The following JARID2 variants were observed in gnomAD, a reference collection of about 807,000 sequenced individuals.
The protein encoded by JARID2 is protein Jumonji.
JARID2 carries 21 observed loss-of-function variants against 125.6 expected under a neutral mutation model. The ratio of observed to expected loss-of-function variants is 0.17; its 90% CI spans 0.12 to 0.24. JARID2 has a LOEUF of 0.24. Ranked by LOEUF, JARID2 falls within the 10% of genes least tolerant of loss-of-function variation. The pLI, the probability that JARID2 is intolerant of heterozygous loss-of-function variation, is 1.00. For missense variants in JARID2, 1,303 were observed against 1,639.6 expected (o/e 0.79, Z 3.55); for synonymous variants, 736 against 661.6 (o/e 1.11, Z -1.73).
intron 1 of JARID2, among the ~76,000 whole-genome samples, chr6:15,366,206 G>C (rs868742811): frequency 6.6e-5 from 10 of 152,128 alleles, no homozygotes; most frequent in Non-Finnish European, 4.4e-5. Flanking sequence ...AGGTATATGA[G>C]AAACACGTTC....
chr6:15,411,170 G>A (rs893297440), intron 3 of JARID2, among the ~76,000 whole-genome samples: 66 of 135,616 alleles, frequency 4.9e-4, no homozygotes, highest in African/African-American at 1.7e-3. Context: ...GTTCGTTTCC[G>A]GGATTGAAGG....
At chr6:15,292,469 C>T (rs2127397698) in intron 1 of JARID2, among the ~76,000 whole-genome samples, 1 of 152,138 alleles carries the variant, frequency 6.6e-6, no homozygotes, top group East Asian at 1.9e-4. Flanking sequence ...GATGGATTAT[C>T]AAATATGGAA....
intron 6 of JARID2, among the ~76,000 whole-genome samples, chr6:15,493,387 C>T (rs150500246): frequency 4.8e-4 from 73 of 152,312 alleles, no homozygotes; most frequent in Non-Finnish European, 8.8e-4. Context: ...AACTAAACCT[C>T]AGCAAGTAGT....
intron 1 of JARID2, among the ~76,000 whole-genome samples, chr6:15,330,040 G>A (rs1041483736): frequency 6.6e-6 from 1 of 152,204 alleles, no homozygotes; most frequent in African/African-American, 2.4e-5. Context: ...GAGTTGTGAT[G>A]TTCTCTGGTC....
At chr6:15,388,571 T>A (rs1213683242) in intron 2 of JARID2, among the ~76,000 whole-genome samples, 3 of 135,218 alleles carry the variant, frequency 2.2e-5, no homozygotes, top group Non-Finnish European at 4.7e-5. Flanking sequence ...CATGAGCTAT[T>A]TTATAATATA....
At chr6:15,346,099 G>C (rs752005469) in intron 1 of JARID2, among the ~76,000 whole-genome samples, 72 of 152,212 alleles carry the variant, frequency 4.7e-4, no homozygotes, top group Non-Finnish European at 8.7e-4. Flanking sequence ...TGGACGCTTA[G>C]AGGTTCAGGG....
rs138491955 is a variant in JARID2, at chr6:15,353,499, G to A, written c.46-20618G>A. Among the ~76,000 whole-genome samples, 74 of 152,280 alleles carry A rather than the reference G, an allele frequency of 4.9e-4. 1 individual carries two copies. The East Asian group carries it at 6.4e-3, about 13-fold the overall frequency. ...ATTTAGGAAAAAATATCATTATCGA[G>A]GAAGGTCTCTTTCTGAACAACAACA... On this transcript the variant is annotated intron_variant, in intron 1 of 17. Coordinates refer to ENST00000341776, the MANE Select transcript of JARID2 (RefSeq NM_004973.4).
At chr6:15,431,481 C>CA (rs756548051) in intron 3 of JARID2, among the ~76,000 whole-genome samples, 2 of 152,184 alleles carry the variant, frequency 1.3e-5, no homozygotes, top group Non-Finnish European at 1.5e-5. Context: ...ATAATTCTGA[C>CA]AAACACCTTG....
chr6:15,443,965 G>A (rs1042342055), intron 3 of JARID2, among the ~76,000 whole-genome samples: 12 of 152,142 alleles, frequency 7.9e-5, no homozygotes, highest in Admixed American at 6.5e-4. Flanking sequence ...CGCAAATTCC[G>A]GCTATGGCAA....
chr6:15,327,543 GT>G, intron 1 of JARID2, among the ~76,000 whole-genome samples: 1 of 151,310 alleles, frequency 6.6e-6, no homozygotes, highest in Admixed American at 6.6e-5. Context: ...GTGTGTGTGT[GT>G]GTGTGTGCGC....
chr6:15,249,229 G>A (rs911162596), intron 1 of JARID2, among the ~76,000 whole-genome samples: 1 of 152,246 alleles, frequency 6.6e-6, no homozygotes, highest in Non-Finnish European at 1.5e-5. Context: ...CTTGTCACTT[G>A]AAGTCGTGTT....
Position 15,520,685 on chromosome 6 carries a change from A to ACG in JARID2, c.*438_*439dup, listed in dbSNP as rs1232066426. The ACG allele has an allele frequency of 1.9e-4, 63 of 337,754 alleles. No homozygotes were observed. Among genetic ancestry groups the ACG allele is most frequent in the African/African-American group, 5.7e-4 (24 of 41,836 alleles). 20.9% of individuals were successfully genotyped at this position (337,754 alleles called of 1,614,324 possible). A position where few individuals can be genotyped will look rare whatever the true frequency, so the allele number is the denominator to read the frequency against. ...ATTTTTTAGAAGGGATAGGAGACAC[A>ACG]CGCGCACACACACACACACACGAAA... On this transcript the variant is annotated 3_prime_UTR_variant, in exon 18 of 18. Transcript: ENST00000341776.
At chr6:15,388,361 C>T (rs867524219) in intron 2 of JARID2, among the ~76,000 whole-genome samples, 1 of 152,038 alleles carries the variant, frequency 6.6e-6, no homozygotes. Flanking sequence ...AATTACCCTA[C>T]AGTTCATAAA....
chr6:15,413,461 C>A (rs1177899960), intron 3 of JARID2, among the ~76,000 whole-genome samples: 1 of 152,136 alleles, frequency 6.6e-6, no homozygotes, highest in Non-Finnish European at 1.5e-5. Flanking sequence ...TTTAGAAATA[C>A]AGAAATTTAT....
intron 5 of JARID2, among the ~76,000 whole-genome samples, chr6:15,474,459 CCTT>C (rs1396268372): frequency 4.3e-5 from 3 of 69,896 alleles, no homozygotes; most frequent in Non-Finnish European, 7.5e-5. Flanking sequence ...TAGTTGCATG[CCTT>C]TTTTTTTTTT....
intron 5 of JARID2, among the ~76,000 whole-genome samples, chr6:15,478,735 T>C (rs1769470351): frequency 1.3e-5 from 2 of 152,106 alleles, no homozygotes; most frequent in Non-Finnish European, 2.9e-5. Context: ...AATGGCGCGA[T>C]CTCGGCTCAC....
intron 1 of JARID2, among the ~76,000 whole-genome samples, chr6:15,326,457 C>T (rs1762537096): frequency 6.6e-6 from 1 of 152,184 alleles, no homozygotes; most frequent in African/African-American, 2.4e-5. Context: ...TTCCAAAGTG[C>T]TGAGGTTACA....
intron 1 of JARID2, among the ~76,000 whole-genome samples, chr6:15,267,119 A>C (rs1273159711): frequency 6.6e-6 from 1 of 152,210 alleles, no homozygotes; most frequent in Admixed American, 6.5e-5. Context: ...GATGGCAAAC[A>C]GTTAAGTTGT....
chr6:15,496,960 G>A lies in JARID2; in HGVS notation c.1735G>A (p.Ala579Thr), dbSNP rs752536884. ...DPLIYIESVRAQVEKFGMCRV... is the reference protein window; with the variant it reads ...DPLIYIESVRTQVEKFGMCRV... ...GCTCATCTACATCGAGTCGGTCCGC[G>A]CTCAGGTGGAGAAGTTCGGGATGTG... The change falls in exon 7 of 18, where the codon GCT (alanine) becomes ACT (threonine). Residue 579 changes from alanine to threonine, a missense_variant. Coordinates refer to ENST00000341776, the MANE Select transcript of JARID2 (RefSeq NM_004973.4). 5.6e-6 allele frequency: 9 copies of A among 1,612,352 alleles called. No homozygotes were observed. Among genetic ancestry groups the A allele is most frequent in the East Asian group, 2.2e-5 (1 of 44,822 alleles).
Sources: gnomAD v4.1 joint callset for allele counts (sites outside exome capture counted in the v4.1 genomes callset) on GRCh38, gnomAD v4.1.1 for gene constraint, MANE v1.5 for transcripts, NCBI Gene and HGNC (gene_info 2026-07-23, HGNC 2026-07-21) for gene names.